B4GALT5: variants seen among roughly 807,000 people sequenced by gnomAD.
The protein encoded by B4GALT5 is beta-1,4-galactosyltransferase 5, also known as UDP-Gal:beta-GlcNAc beta-1,4-galactosyltransferase 5.
In B4GALT5, 11 loss-of-function variants were observed where a neutral mutation model predicts 45.0. The ratio of observed to expected loss-of-function variants is 0.24; its 90% CI spans 0.15 to 0.40. The LOEUF is 0.40. Among genes scored for constraint, B4GALT5 ranks in the 10% least tolerant of loss-of-function variants. The probability of loss-of-function intolerance (pLI) is 1.00; values close to 1 mark genes in which losing one functional copy is unlikely to be tolerated. For synonymous variants in B4GALT5, 185 were observed against 182.9 expected, an observed-to-expected ratio of 1.01 and a Z score of -0.09; for missense variants, 337 against 500.2, an observed-to-expected ratio of 0.67 and a Z score of 3.11.
intron 1 of B4GALT5, among the ~76,000 whole-genome samples, chr20:49,660,287 C>G (rs1386991128): frequency 2.0e-5 from 3 of 152,152 alleles, no homozygotes; most frequent in Admixed American, 6.5e-5. Context: ...CACCTGTTAC[C>G]AAAGATCTGT....
At chr20:49,689,678 ATGTTAATTAAT>A (rs2085802071) in intron 1 of B4GALT5, among the ~76,000 whole-genome samples, 1 of 152,144 alleles carries the variant, frequency 6.6e-6, no homozygotes, top group African/African-American at 2.4e-5. Context: ...TTCAACATGC[ATGTTAATTAAT>A]TAGATTTTTT....
chr20:49,690,259 G>A (rs116608457), intron 1 of B4GALT5, among the ~76,000 whole-genome samples: 2,195 of 152,222 alleles, frequency 0.014, 61 homozygotes, highest in African/African-American at 0.05. Context: ...ACCTACTTCC[G>A]CCTCCCAAAG....
intron 1 of B4GALT5, among the ~76,000 whole-genome samples, chr20:49,668,440 C>T (rs1027200505): frequency 3.9e-5 from 6 of 152,046 alleles, no homozygotes; most frequent in African/African-American, 7.2e-5. Flanking sequence ...TTCTTAATAG[C>T]ATGACCAGTT....
Position 49,642,501 on chromosome 20 carries a change from C to T in B4GALT5, c.573G>A (p.Gln191=), listed in dbSNP as rs780223203. Residue 191 remains glutamine, a synonymous_variant, in exon 5 of 9, where the codon CAG becomes CAA. Transcript: ENST00000371711. ...CCACATAAAATGCAAACTGCAAGCG[C>T]TGGCGCTGGAGCATGGGAAGCAGGT... ...FRHLLPMLQR[Q]RLQFAFYVVE... is the part of the protein sequence containing the mutation. 5.0e-6 allele frequency: 8 copies of T among 1,613,896 alleles called. No individual in the cohort carries two copies. The Admixed American group carries it at 1.0e-4, about 20-fold the overall frequency.
chr20:49,669,226 T>C (rs569466473), intron 1 of B4GALT5, among the ~76,000 whole-genome samples: 3 of 152,238 alleles, frequency 2.0e-5, no homozygotes, highest in Admixed American at 1.3e-4. Context: ...AGATTAGAAC[T>C]GCCTACACCT....
intron 1 of B4GALT5, among the ~76,000 whole-genome samples, chr20:49,673,272 C>T (rs1287316012): frequency 6.6e-6 from 1 of 151,898 alleles, no homozygotes; most frequent in Non-Finnish European, 1.5e-5. Context: ...CCCAGCTACT[C>T]AGGAGGCTGA....
At chr20:49,695,807 T>G (rs1004212404) in intron 1 of B4GALT5, among the ~76,000 whole-genome samples, 1 of 151,974 alleles carries the variant, frequency 6.6e-6, no homozygotes, top group Admixed American at 6.6e-5. Flanking sequence ...ATATTCCCAT[T>G]CTGTACATAC....
chr20:49,692,110 T>TA (rs1159001442), intron 1 of B4GALT5, among the ~76,000 whole-genome samples: 1 of 152,112 alleles, frequency 6.6e-6, no homozygotes, highest in African/African-American at 2.4e-5. Flanking sequence ...CTATGTCCCC[T>TA]ACAATTATGC....
intron 6 of B4GALT5, among the ~76,000 whole-genome samples, chr20:49,640,275 G>A (rs139860180): frequency 2.6e-5 from 4 of 152,230 alleles, no homozygotes; most frequent in Admixed American, 2.0e-4. Flanking sequence ...TAATGTTTTC[G>A]AAGTTCATCC....
intron 1 of B4GALT5, among the ~76,000 whole-genome samples, chr20:49,673,782 C>A (rs570060079): frequency 6.6e-6 from 1 of 152,102 alleles, no homozygotes; most frequent in South Asian, 2.1e-4. Context: ...GGTTAACTGC[C>A]TGGATAATTA....
Position 49,633,759 on chromosome 20 carries a change from AC to A in B4GALT5, c.*2552del, listed in dbSNP as rs570754289. The A allele has an allele frequency of 6.6e-6, 1 of 152,652 alleles. No homozygotes were observed. The highest frequency in any genetic ancestry group is 2.1e-4 in the South Asian group (1 of 4,822). 9.5% of individuals were successfully genotyped at this position (152,652 alleles called of 1,614,324 possible). On this transcript the variant is annotated 3_prime_UTR_variant, in exon 9 of 9. Transcript: ENST00000371711. ...GAGCTTCAAACAAGATCGCCTGACAACACTGCCGCATACACATACGGCACCC... is the reference window on the plus strand; with the variant it reads ...GAGCTTCAAACAAGATCGCCTGACAAACTGCCGCATACACATACGGCACCC...
At chr20:49,673,593 G>A (rs1447763814) in intron 1 of B4GALT5, among the ~76,000 whole-genome samples, 1 of 152,166 alleles carries the variant, frequency 6.6e-6, no homozygotes, top group Non-Finnish European at 1.5e-5. Flanking sequence ...AACATTCTGA[G>A]CACCACTGGA....
At chr20:49,709,569 C>T (rs763489224) in intron 1 of B4GALT5, among the ~76,000 whole-genome samples, 1 of 151,998 alleles carries the variant, frequency 6.6e-6, no homozygotes, top group African/African-American at 2.4e-5. Flanking sequence ...GTCGGGAGTT[C>T]GAGACGAACC....
Position 49,633,036 on chromosome 20 carries a change from C to A in B4GALT5, c.*3276G>T, listed in dbSNP as rs1021432178. ...AACACATGAGTAAATAATGTAATGA[C>A]AAAGGACTATTTTTGTGAAAAGTGT... On this transcript the variant is annotated 3_prime_UTR_variant, in exon 9 of 9. Transcript: ENST00000371711. The A allele has an allele frequency of 6.6e-6, 1 of 152,570 alleles. No homozygotes were observed. The highest frequency in any genetic ancestry group is 1.5e-5 in the Non-Finnish European group (1 of 68,026). 9.5% of individuals were successfully genotyped at this position (152,570 alleles called of 1,614,324 possible).
rs150856309 is a variant in B4GALT5 at position 49,701,803 on chromosome 20, G to C, written c.115+11773C>G. Among the ~76,000 whole-genome samples the C allele has an allele frequency of 2.8e-3, 432 of 152,258 alleles. 2 individuals carry two copies. The highest frequency in any genetic ancestry group is 9.0e-3 in the African/African-American group (374 of 41,560). On this transcript the variant is annotated intron_variant, in intron 1 of 8. Coordinates refer to ENST00000371711, the MANE Select transcript of B4GALT5 (RefSeq NM_004776.4). ...AGAAAATACCAAACAGGCTAGGCGT[G>C]GTGGCTCATGCCTGTAATCCCAGCA...
At position 49,694,372 on chromosome 20, in the gene B4GALT5, C is replaced by G. The variant is rs2085828992; in HGVS notation, c.115+19204G>C. Among the ~76,000 whole-genome samples, 3 of 152,192 alleles carry G rather than the reference C, an allele frequency of 2.0e-5. No homozygotes were observed. The South Asian group carries it at 6.2e-4, about 32-fold the overall frequency. ...TCCTAAATCAAAGGCAAATCAAAGT[C>G]TGGGCACGGTGGCTCACACATGTAA... On this transcript the variant is annotated intron_variant, in intron 1 of 8. Transcript: ENST00000371711.
At chr20:49,689,487 TTTA>T (rs1208756011) in intron 1 of B4GALT5, among the ~76,000 whole-genome samples, 5 of 152,342 alleles carry the variant, frequency 3.3e-5, no homozygotes, top group African/African-American at 1.2e-4. Flanking sequence ...TTTAAACCGT[TTTA>T]TTATGAAAAA....
At chr20:49,642,808 T>C (rs2085582486) in intron 4 of B4GALT5, among the ~76,000 whole-genome samples, 1 of 152,256 alleles carries the variant, frequency 6.6e-6, no homozygotes, top group Non-Finnish European at 1.5e-5. Flanking sequence ...AGTAGGCCTA[T>C]AATTTATTCT....
chr20:49,663,329 T>C (rs1003552063), intron 1 of B4GALT5, among the ~76,000 whole-genome samples: 1 of 152,098 alleles, frequency 6.6e-6, no homozygotes. Context: ...TAATGTTATA[T>C]GTCAACAAAA....
Sources: allele counts gnomAD v4.1 joint callset (sites outside exome capture counted in the v4.1 genomes callset), GRCh38; gene constraint gnomAD v4.1.1; transcripts MANE v1.5; gene names NCBI Gene and HGNC (gene_info 2026-07-23, HGNC 2026-07-21).